FRMPD4: variants seen among roughly 807,000 people sequenced by gnomAD.
The protein encoded by FRMPD4 is FERM and PDZ domain containing 4.
Under a neutral mutation model 94.1 loss-of-function variants are expected in FRMPD4, and 22 were observed. That is an observed-to-expected ratio of 0.23 (90% CI 0.17 to 0.33). The LOEUF (loss-of-function observed/expected upper bound fraction) is 0.33. Ranked by LOEUF, FRMPD4 falls within the 10% of genes least tolerant of loss-of-function variation. The pLI, the probability that FRMPD4 is intolerant of heterozygous loss-of-function variation, is 1.00. For synonymous variants in FRMPD4, 631 were observed against 548.6 expected (o/e 1.15, Z -2.10); for missense variants, 1,111 against 1,339.9 (o/e 0.83, Z 2.67).
chrX:12,613,308 G>A (rs1306704934), intron 3 of FRMPD4, among the ~76,000 whole-genome samples: 4 of 111,476 alleles, frequency 3.6e-5, no homozygotes, highest in Non-Finnish European at 5.6e-5. Flanking sequence ...GCAGTGACTA[G>A]GTTCTGAATT....
At chrX:12,437,528 C>T (rs142162356) in intron 1 of FRMPD4, among the ~76,000 whole-genome samples, 1,613 of 110,919 alleles carry the variant, frequency 0.015, 12 homozygotes, top group Non-Finnish European at 0.024. Flanking sequence ...CAGTGGCAAA[C>T]CGTCTGAGTT....
chrX:11,851,491 C>T (rs748908792), intron 1 of FRMPD4, among the ~76,000 whole-genome samples: 2 of 111,174 alleles, frequency 1.8e-5, no homozygotes, highest in Non-Finnish European at 3.8e-5. Context: ...AACTAAGGTT[C>T]CTTAAGACAC....
chrX:12,164,277 A>G (rs1210667561), intron 1 of FRMPD4, among the ~76,000 whole-genome samples: 1 of 110,450 alleles, frequency 9.1e-6, no homozygotes, highest in Non-Finnish European at 1.9e-5. Context: ...ATTCCCACCT[A>G]TGAGTGAGAA....
At position 12,602,228 on chromosome X, in the gene FRMPD4, C is replaced by G. The variant is rs148775784; in HGVS notation, c.159-7493C>G. ...AATCCATACTTTGCTTTCTTTTATT[C>G]TTCCTACTGAAATTCTTGCTCTGAG... On this transcript the variant is annotated intron_variant, in intron 2 of 16. Coordinates refer to ENST00000675598, the MANE Select transcript of FRMPD4 (RefSeq NM_001368397.1). Among the ~76,000 whole-genome samples, 152 of 111,849 alleles carry G rather than the reference C, an allele frequency of 1.4e-3. No individual in the cohort carries two copies. In the Middle Eastern group the frequency reaches 0.019, roughly 14 times the overall value.
At chrX:12,465,159 A>G (rs2057435788) in intron 1 of FRMPD4, among the ~76,000 whole-genome samples, 1 of 111,758 alleles carries the variant, frequency 8.9e-6, no homozygotes, top group African/African-American at 3.2e-5. Flanking sequence ...AAGGCAAGGA[A>G]TCTGGAGTTA....
chrX:12,294,344 C>G (rs1026826749), intron 1 of FRMPD4, among the ~76,000 whole-genome samples: 1 of 111,085 alleles, frequency 9.0e-6, no homozygotes, highest in African/African-American at 3.3e-5. Context: ...ATATTGAGCC[C>G]AACAAGTCTT....
chrX:11,930,098 ACT>A (rs1242871548), intron 3 of FRMPD4, among the ~76,000 whole-genome samples: 2 of 80,302 alleles, frequency 2.5e-5, no homozygotes, highest in Non-Finnish European at 4.5e-5. Flanking sequence ...ACAGAGTGAG[ACT>A]CTGTCTCAAA....
At chrX:11,943,838 T>C (rs986467057) in intron 3 of FRMPD4, among the ~76,000 whole-genome samples, 3 of 112,171 alleles carry the variant, frequency 2.7e-5, no homozygotes, top group Non-Finnish European at 5.6e-5. Flanking sequence ...GTTTTTTCCC[T>C]TTTTTATAAC....
chrX:11,944,002 T>G (rs1241000361), intron 3 of FRMPD4, among the ~76,000 whole-genome samples: 1 of 111,908 alleles, frequency 8.9e-6, no homozygotes, highest in Admixed American at 9.5e-5. Context: ...AACTATCAAA[T>G]ACAACTGCTC....
intron 1 of FRMPD4, among the ~76,000 whole-genome samples, chrX:12,193,260 G>A (rs751842774): frequency 4.5e-5 from 5 of 111,205 alleles, no homozygotes; most frequent in East Asian, 2.8e-4. Flanking sequence ...ATCATAAGCC[G>A]CTAAAATAAA....
At chrX:11,827,410 G>A (rs113804567) in intron 1 of FRMPD4, among the ~76,000 whole-genome samples, 1,110 of 109,875 alleles carry the variant, frequency 0.01, 18 homozygotes, top group African/African-American at 0.035. Flanking sequence ...TAAGAAAACC[G>A]AGTCATTTCA....
intron 1 of FRMPD4, among the ~76,000 whole-genome samples, chrX:12,185,008 TG>T (rs2056406516): frequency 9.0e-6 from 1 of 111,653 alleles, no homozygotes; most frequent in African/African-American, 3.3e-5. Context: ...TTGGACTGTT[TG>T]TAACACAAAG....
At chrX:11,995,095 G>T (rs758309025) in intron 3 of FRMPD4, among the ~76,000 whole-genome samples, 2 of 111,252 alleles carry the variant, frequency 1.8e-5, no homozygotes, top group Non-Finnish European at 3.8e-5. Flanking sequence ...AGTGGTCTTT[G>T]GGCCTTTATG....
At chrX:12,230,932 TA>T (rs1396216275) in intron 1 of FRMPD4, among the ~76,000 whole-genome samples, 1 of 79,862 alleles carries the variant, frequency 1.3e-5, no homozygotes, top group African/African-American at 4.8e-5. Context: ...TATTACTATA[TA>T]TACTATATAT....
chrX:11,986,650 A>G (rs2054431036), intron 3 of FRMPD4, among the ~76,000 whole-genome samples: 1 of 111,717 alleles, frequency 9.0e-6, no homozygotes, highest in Non-Finnish European at 1.9e-5. Context: ...TTGCTTAAAA[A>G]GATAAGTACA....
At chrX:12,092,317 CA>C (rs2055160057) in intron 3 of FRMPD4, among the ~76,000 whole-genome samples, 1 of 112,175 alleles carries the variant, frequency 8.9e-6, no homozygotes, top group Admixed American at 9.5e-5. Context: ...ATAATTAGCT[CA>C]AAAAATAGTT....
At chrX:12,679,601 T>C (rs997620432) in intron 5 of FRMPD4, among the ~76,000 whole-genome samples, 1 of 111,716 alleles carries the variant, frequency 9.0e-6, no homozygotes, top group Admixed American at 9.5e-5. Context: ...CTGGGCAGGG[T>C]GCTCACAACC....
chrX:12,073,161 C>T (rs966287615), intron 3 of FRMPD4, among the ~76,000 whole-genome samples: 4 of 111,061 alleles, frequency 3.6e-5, no homozygotes, highest in African/African-American at 1.3e-4. Context: ...ACATTGCTTC[C>T]AGTTTCTTTT....
intron 3 of FRMPD4, among the ~76,000 whole-genome samples, chrX:11,922,653 G>A (rs1174862568): frequency 8.9e-6 from 1 of 112,416 alleles, no homozygotes; most frequent in African/African-American, 3.2e-5. Flanking sequence ...AACCCCAGAA[G>A]GAGGGGACCC....
Sources: allele counts gnomAD v4.1 joint callset (sites outside exome capture counted in the v4.1 genomes callset), GRCh38; gene constraint gnomAD v4.1.1; transcripts MANE v1.5; gene names NCBI Gene and HGNC (gene_info 2026-07-23, HGNC 2026-07-21).